SNRPA1: variants seen among roughly 807,000 people sequenced by gnomAD.
SNRPA1 encodes the protein U2 small nuclear ribonucleoprotein A'.
SNRPA1 carries 5 observed loss-of-function variants against 32.3 expected under a neutral mutation model. That is an observed-to-expected ratio of 0.15 (90% CI 0.08 to 0.33). The LOEUF is 0.33. Among genes scored for constraint, SNRPA1 ranks in the 10% least tolerant of loss-of-function variants. The pLI, the probability that SNRPA1 is intolerant of heterozygous loss-of-function variation, is 1.00. For missense variants in SNRPA1, 198 were observed against 311.1 expected, an observed-to-expected ratio of 0.64 and a Z score of 2.74; for synonymous variants, 111 against 120.1, an observed-to-expected ratio of 0.92 and a Z score of 0.50.
intron 8 of SNRPA1, among the ~76,000 whole-genome samples, chr15:101,283,667 C>T (rs2039421961): frequency 6.6e-6 from 1 of 152,134 alleles, no homozygotes; most frequent in African/African-American, 2.4e-5. Flanking sequence ...TTCTTTTTGG[C>T]TGGGCACGGG....
At chr15:101,292,368 C>A (rs7167812) in intron 2 of SNRPA1, among the ~76,000 whole-genome samples, 14,269 of 152,166 alleles carry the variant, frequency 0.094, 1,938 homozygotes, top group African/African-American at 0.3. Flanking sequence ...ATTCTGGATT[C>A]CCAGCTCAGG....
intron 5 of SNRPA1, 158 bp downstream of exon 5, chr15:101,286,750 C>A: frequency 1.8e-6 from 1 of 563,674 alleles, no homozygotes; most frequent in Non-Finnish European, 3.2e-6. Context: ...ATAAACTCTG[C>A]TATTAGAAAA....
Position 101,295,211 on chromosome 15 carries a change from A to T in SNRPA1, c.-33T>A. 6.7e-7 allele frequency: 1 copy of T among 1,502,104 alleles called. No homozygotes were observed. Among genetic ancestry groups the T allele is most frequent in the Non-Finnish European group, 8.9e-7 (1 of 1,126,440 alleles). The allele number at this position is 1,502,104 out of a possible 1,614,324, so 93.0% of individuals were successfully genotyped here. Reference sequence around the variant, plus strand: ...CCTCCCGTTCCCCCGCGCTGTGGAAAGCCCGTGGCCTCCCGCCAGCGAGAC... The same window carrying T: ...CCTCCCGTTCCCCCGCGCTGTGGAATGCCCGTGGCCTCCCGCCAGCGAGAC... On this transcript the variant is annotated 5_prime_UTR_variant, in exon 1 of 9. Coordinates refer to ENST00000254193, the MANE Select transcript of SNRPA1 (RefSeq NM_003090.4).
chr15:101,290,107 G>A (rs1026553441), intron 3 of SNRPA1, among the ~76,000 whole-genome samples: 1 of 152,000 alleles, frequency 6.6e-6, no homozygotes, highest in Non-Finnish European at 1.5e-5. Context: ...AATAGAGATC[G>A]AGGGTCACAA....
chr15:101,281,863 C>T, intron 8 of SNRPA1, 81 bp from the exon 9 acceptor site: 1 of 1,355,860 alleles, frequency 7.4e-7, no homozygotes, highest in Non-Finnish European at 1.1e-6. Context: ...GTTCTGTGGC[C>T]ACTGTTTGTT....
chr15:101,282,535 A>G (rs2039407851), intron 8 of SNRPA1, among the ~76,000 whole-genome samples: 1 of 152,244 alleles, frequency 6.6e-6, no homozygotes, highest in Non-Finnish European at 1.5e-5. Context: ...GACAAATGGT[A>G]GCTTCCTCAA....
chr15:101,294,579 G>C (rs931600631), intron 1 of SNRPA1, among the ~76,000 whole-genome samples: 2 of 152,164 alleles, frequency 1.3e-5, no homozygotes, highest in Non-Finnish European at 2.9e-5. Context: ...TCTTCATATA[G>C]GGGAAACGCC....
intron 5 of SNRPA1, 151 bp downstream of exon 5, chr15:101,286,756 GA>G: frequency 5.3e-6 from 3 of 570,226 alleles, no homozygotes; most frequent in African/African-American, 1.9e-5. Flanking sequence ...TCTGCTATTA[GA>G]AAAAAATGTG....
At chr15:101,285,662 T>C (rs2039446756) in intron 7 of SNRPA1, 64 bp downstream of exon 7, 1 of 1,062,416 alleles carries the variant, frequency 9.4e-7, no homozygotes, top group South Asian at 1.3e-5. Flanking sequence ...ATGTTTATTA[T>C]CCAGCTTTGT....
At chr15:101,285,154 A>T in intron 7 of SNRPA1, 94 bp from the exon 8 acceptor site, 1 of 808,268 alleles carries the variant, frequency 1.2e-6, no homozygotes, top group South Asian at 1.4e-5. Flanking sequence ...AGAAATTCAC[A>T]GCAACTTCTC....
intron 8 of SNRPA1, among the ~76,000 whole-genome samples, chr15:101,283,329 A>G (rs1224392837): frequency 2.0e-5 from 3 of 151,816 alleles, no homozygotes; most frequent in Non-Finnish European, 2.9e-5. Flanking sequence ...CGGGTGGATC[A>G]TGAGGTCAGG....
At chr15:101,283,568 A>C (rs1447326674) in intron 8 of SNRPA1, among the ~76,000 whole-genome samples, 1 of 136,810 alleles carries the variant, frequency 7.3e-6, no homozygotes, top group Non-Finnish European at 1.5e-5. Context: ...TCCGTCTCAA[A>C]ACAACAACAA....
intron 8 of SNRPA1, among the ~76,000 whole-genome samples, chr15:101,282,639 G>A (rs1399485723): frequency 2.0e-5 from 3 of 152,092 alleles, no homozygotes; most frequent in East Asian, 3.8e-4. Flanking sequence ...TCTTTTACCC[G>A]TACATGATTT....
At chr15:101,284,900 A>G in intron 8 of SNRPA1, 67 bp downstream of exon 8, 1 of 1,185,618 alleles carries the variant, frequency 8.4e-7, no homozygotes, top group Non-Finnish European at 1.3e-6. Flanking sequence ...CATGGCATCT[A>G]AATGGTTGTG....
chr15:101,294,887 G>C (rs892335690), intron 1 of SNRPA1: 1 of 431,364 alleles, frequency 2.3e-6, no homozygotes, highest in South Asian at 4.8e-5. Flanking sequence ...CAAGAGGCAC[G>C]GCGCTAACAG....
chr15:101,294,729 G>A (rs1381866613), intron 1 of SNRPA1: 4 of 260,230 alleles, frequency 1.5e-5, no homozygotes, highest in Non-Finnish European at 2.9e-5. Context: ...CAAGTATTAA[G>A]AACCAATCCC....
In SNRPA1 at chr15:101,295,201, C is replaced by G. The variant is rs1309376696; in HGVS notation, c.-23G>C. ...CATCCTGCAGCCTCCCGTTCCCCCG[C>G]GCTGTGGAAAGCCCGTGGCCTCCCG... On this transcript the variant is annotated 5_prime_UTR_variant, in exon 1 of 9. Coordinates refer to ENST00000254193, the MANE Select transcript of SNRPA1 (RefSeq NM_003090.4). The G allele has an allele frequency of 1.3e-6, 2 of 1,520,832 alleles. No individual in the cohort carries two copies. Among genetic ancestry groups the G allele is most frequent in the African/African-American group, 2.9e-5 (2 of 69,362 alleles). 94.2% of individuals were successfully genotyped at this position (1,520,832 alleles called of 1,614,324 possible).
chr15:101,282,243 A>G (rs532620435), intron 8 of SNRPA1, among the ~76,000 whole-genome samples: 1 of 152,276 alleles, frequency 6.6e-6, no homozygotes, highest in Non-Finnish European at 1.5e-5. Flanking sequence ...TCAACAATTT[A>G]TGGCAGGTAT....
At chr15:101,293,308 G>A in intron 1 of SNRPA1, 136 bp from the exon 2 acceptor site, 1 of 560,930 alleles carries the variant, frequency 1.8e-6, no homozygotes, top group Non-Finnish European at 3.0e-6. Context: ...ACCTATGTCG[G>A]GTCACGCATG....
Sources: gnomAD v4.1 joint callset for allele counts (sites outside exome capture counted in the v4.1 genomes callset) on GRCh38, gnomAD v4.1.1 for gene constraint, MANE v1.5 for transcripts, NCBI Gene and HGNC (gene_info 2026-07-23, HGNC 2026-07-21) for gene names.